Variants in KCNIP1 observed in about 807,000 individuals in gnomAD.
KCNIP1 encodes A-type potassium channel modulatory protein KCNIP1.
Under a neutral mutation model 33.0 loss-of-function variants are expected in KCNIP1, and 18 were observed. The observed-to-expected ratio is 0.55, with a 90% CI of 0.38 to 0.81. KCNIP1 has a LOEUF of 0.81. Among genes scored for constraint, KCNIP1 ranks in the 30% least tolerant of loss-of-function variants. The pLI is 0.00. For missense variants in KCNIP1, 238 were observed against 271.6 expected, an observed-to-expected ratio of 0.88 and a Z score of 0.87; for synonymous variants, 93 against 98.3, an observed-to-expected ratio of 0.95 and a Z score of 0.32.
At chr5:170,416,037 G>T (rs1463908021) in intron 1 of KCNIP1, among the ~76,000 whole-genome samples, 2 of 152,084 alleles carry the variant, frequency 1.3e-5, no homozygotes, top group African/African-American at 4.8e-5. Flanking sequence ...CTAGTCAGGA[G>T]GCCACAGTGA....
Position 170,409,339 on chromosome 5 carries a change from G to A in KCNIP1, c.88+55375G>A, listed in dbSNP as rs74342944. On this transcript the variant is annotated intron_variant, in intron 1 of 7. Coordinates refer to the KCNIP1 transcript ENST00000377360. ...GACCACCTGCCTTCAGGGTCTTGAG[G>A]CCTCAAAAAGTTGCCCTCAGGGATT... Among the ~76,000 whole-genome samples, 1,221 of 152,228 alleles carry A rather than the reference G, an allele frequency of 8.0e-3. 16 individuals carry two copies. The highest frequency in any genetic ancestry group is 0.028 in the African/African-American group (1,146 of 41,524).
chr5:170,730,539 A>G (rs1764159410), intron 5 of KCNIP1, among the ~76,000 whole-genome samples: 1 of 152,218 alleles, frequency 6.6e-6, no homozygotes, highest in Non-Finnish European at 1.5e-5. Flanking sequence ...TGATTAAAAA[A>G]AAATATCAGA....
chr5:170,711,059 C>A (rs1408827468), intron 1 of KCNIP1, among the ~76,000 whole-genome samples: 1 of 152,196 alleles, frequency 6.6e-6, no homozygotes, highest in Non-Finnish European at 1.5e-5. Flanking sequence ...AGCTAAGAAC[C>A]AGGAAACAAA....
intron 5 of KCNIP1, among the ~76,000 whole-genome samples, chr5:170,727,712 G>A (rs753970936): frequency 4.6e-5 from 7 of 152,214 alleles, no homozygotes; most frequent in African/African-American, 1.7e-4. Flanking sequence ...TGAGGCAGGA[G>A]GATGGGTTGA....
At chr5:170,447,061 T>C (rs769426940) in intron 1 of KCNIP1, among the ~76,000 whole-genome samples, 1 of 148,402 alleles carries the variant, frequency 6.7e-6, no homozygotes, top group Non-Finnish European at 1.5e-5. Context: ...CATCTTCTTA[T>C]TCATCTGAAT....
At chr5:170,375,384 G>A (rs1471102924) in intron 1 of KCNIP1, 2 of 152,232 alleles carry the variant, frequency 1.3e-5, no homozygotes, top group African/African-American at 4.8e-5. Flanking sequence ...GAGGCCACAG[G>A]GATACCTCTG....
intron 1 of KCNIP1, among the ~76,000 whole-genome samples, chr5:170,636,191 G>T (rs781430535): frequency 6.6e-6 from 1 of 152,250 alleles, no homozygotes; most frequent in African/African-American, 2.4e-5. Context: ...GGAGTTGGGG[G>T]GAAAGCCTAG....
intron 1 of KCNIP1, among the ~76,000 whole-genome samples, chr5:170,373,470 T>A (rs1763901893): frequency 6.6e-6 from 1 of 152,240 alleles, no homozygotes; most frequent in Non-Finnish European, 1.5e-5. Context: ...CTTTGGTGTA[T>A]ATGGGTTATA....
intron 1 of KCNIP1, among the ~76,000 whole-genome samples, chr5:170,634,331 C>T (rs1052317388): frequency 9.8e-5 from 15 of 152,304 alleles, no homozygotes; most frequent in Admixed American, 7.8e-4. Context: ...GCTTGTTAAA[C>T]CGGATGGATG....
intron 5 of KCNIP1, among the ~76,000 whole-genome samples, chr5:170,726,570 T>C (rs1764012059): frequency 6.6e-6 from 1 of 152,034 alleles, no homozygotes; most frequent in East Asian, 1.9e-4. Flanking sequence ...TTGGCATCTT[T>C]GATAAAGCTC....
chr5:170,645,243 G>T (rs573230302), intron 1 of KCNIP1, among the ~76,000 whole-genome samples: 117 of 152,092 alleles, frequency 7.7e-4, no homozygotes, highest in Admixed American at 1.2e-3. Flanking sequence ...CCTCAGTCAG[G>T]CTTTAAATGG....
intron 1 of KCNIP1, among the ~76,000 whole-genome samples, chr5:170,599,332 C>T: frequency 6.6e-6 from 1 of 152,116 alleles, no homozygotes; most frequent in East Asian, 1.9e-4. Context: ...TCTGGGGCCT[C>T]TCATCCAGAC....
intron 1 of KCNIP1, among the ~76,000 whole-genome samples, chr5:170,458,725 A>G (rs923794270): frequency 6.6e-6 from 1 of 152,240 alleles, no homozygotes; most frequent in African/African-American, 2.4e-5. Flanking sequence ...AAATCCTGGA[A>G]ACACATCAAA....
chr5:170,560,895 C>T (rs1037021988), intron 1 of KCNIP1, among the ~76,000 whole-genome samples: 1 of 152,136 alleles, frequency 6.6e-6, no homozygotes, highest in Non-Finnish European at 1.5e-5. Flanking sequence ...CCCACTCCTT[C>T]CTCCCCAGAT....
At chr5:170,722,154 T>G (rs746050964) in intron 4 of KCNIP1, among the ~76,000 whole-genome samples, 92 of 152,178 alleles carry the variant, frequency 6.0e-4, no homozygotes, top group Admixed American at 1.3e-3. Context: ...TGCTTCCCAG[T>G]GGCAGCCCCT....
At chr5:170,577,330 T>C (rs1279179544) in intron 1 of KCNIP1, among the ~76,000 whole-genome samples, 1 of 152,250 alleles carries the variant, frequency 6.6e-6, no homozygotes, top group African/African-American at 2.4e-5. Flanking sequence ...CATTTATTGG[T>C]TGATAAAATG....
chr5:170,588,691 C>T (rs192439190), intron 1 of KCNIP1, among the ~76,000 whole-genome samples: 94 of 152,298 alleles, frequency 6.2e-4, no homozygotes, highest in Admixed American at 3.5e-3. Flanking sequence ...CCAAGGGACC[C>T]TGGAAGCTTT....
intron 1 of KCNIP1, among the ~76,000 whole-genome samples, chr5:170,621,305 C>G (rs1759592090): frequency 6.6e-6 from 1 of 152,040 alleles, no homozygotes; most frequent in Non-Finnish European, 1.5e-5. Context: ...ATCATTATGG[C>G]TGCCCTTCCT....
chr5:170,559,313 C>T (rs1055993494), intron 1 of KCNIP1, among the ~76,000 whole-genome samples: 3 of 152,218 alleles, frequency 2.0e-5, no homozygotes, highest in Non-Finnish European at 2.9e-5. Flanking sequence ...TAATTAGTTA[C>T]TTCCATTTAT....
Sources: allele counts gnomAD v4.1 joint callset (sites outside exome capture counted in the v4.1 genomes callset), GRCh38; gene constraint gnomAD v4.1.1; transcripts MANE v1.5; gene names NCBI Gene and HGNC (gene_info 2026-07-23, HGNC 2026-07-21).